Variants in MERTK observed in about 807,000 individuals in gnomAD.
MERTK encodes the protein tyrosine-protein kinase Mer.
A neutral mutation model predicts 99.3 loss-of-function variants in MERTK; 69 were observed. The ratio of observed to expected loss-of-function variants is 0.70; its 90% CI spans 0.57 to 0.85. The LOEUF is 0.85. MERTK is among the 40% of genes least tolerant of loss of function. The pLI is 0.00. For synonymous variants in MERTK, 426 were observed against 467.6 expected, an observed-to-expected ratio of 0.91 and a Z score of 1.15; for missense variants, 1,125 against 1,249.4, an observed-to-expected ratio of 0.90 and a Z score of 1.50.
chr2:111,932,722 G>A (rs1203281438), intron 2 of MERTK, among the ~76,000 whole-genome samples: 1 of 152,176 alleles, frequency 6.6e-6, no homozygotes, highest in Non-Finnish European at 1.5e-5. Flanking sequence ...CAATTTTGGT[G>A]AGGAGCATTA....
At chr2:112,025,047 C>CGAGGTCA (rs1458346987) in intron 18 of MERTK, among the ~76,000 whole-genome samples, 1 of 152,176 alleles carries the variant, frequency 6.6e-6, no homozygotes, top group Non-Finnish European at 1.5e-5. Flanking sequence ...TGAAGGAGGT[C>CGAGGTCA]GAGGTCACGG....
chr2:111,942,075 A>G (rs1018870866), intron 2 of MERTK, among the ~76,000 whole-genome samples: 1 of 150,922 alleles, frequency 6.6e-6, no homozygotes, highest in Admixed American at 6.6e-5. Flanking sequence ...GCTGTGCCCC[A>G]CCTCCCTCCC....
intron 7 of MERTK, among the ~76,000 whole-genome samples, chr2:111,979,242 A>G (rs1294474363): frequency 6.6e-6 from 1 of 152,182 alleles, no homozygotes; most frequent in Non-Finnish European, 1.5e-5. Flanking sequence ...GCATATCCTT[A>G]TGTAATACTG....
rs748803525 is a variant in MERTK, at chr2:112,003,224, TAAG to T, written c.1786+41_1786+43del. The stretch of plus-strand genomic sequence containing the variant: ...AAAGTAATTCTTTTAAAATGTGGGA[TAAG>T]AAGGTAGCAGTTTAGAATAATTCTT... On this transcript the variant is annotated intron_variant, in intron 12 of 18. Coordinates refer to ENST00000295408, the MANE Select transcript of MERTK (RefSeq NM_006343.3). The T allele has an allele frequency of 2.3e-5, 22 of 959,926 alleles. No homozygotes were observed. In the African/African-American group the frequency reaches 3.0e-4, roughly 13 times the overall value. The allele number at this position is 959,926 out of a possible 1,614,324, so 59.5% of individuals were successfully genotyped here. A position where few individuals can be genotyped will look rare whatever the true frequency, so the allele number is the denominator to read the frequency against.
At chr2:111,923,177 A>T (rs1684497473) in intron 1 of MERTK, among the ~76,000 whole-genome samples, 1 of 152,176 alleles carries the variant, frequency 6.6e-6, no homozygotes, top group Non-Finnish European at 1.5e-5. Context: ...GGTTCAGATG[A>T]TGCCACCTCC....
intron 6 of MERTK, 58 bp downstream of exon 6, chr2:111,968,310 A>AT: frequency 7.1e-7 from 1 of 1,413,050 alleles, no homozygotes; most frequent in Non-Finnish European, 1.0e-6. Flanking sequence ...GGGTTTAAGG[A>AT]TTTTTCTTCC....
At chr2:112,024,563 G>A (rs992967567) in intron 18 of MERTK, among the ~76,000 whole-genome samples, 5 of 152,138 alleles carry the variant, frequency 3.3e-5, no homozygotes, top group Admixed American at 2.0e-4. Flanking sequence ...ATCTCCTCTC[G>A]AATCTAGATG....
intron 1 of MERTK, among the ~76,000 whole-genome samples, chr2:111,926,633 A>G (rs577151340): frequency 1.3e-5 from 2 of 152,322 alleles, no homozygotes; most frequent in South Asian, 4.1e-4. Context: ...AGGCTGAGGC[A>G]GGAAAATCAC....
intron 2 of MERTK, 62 bp downstream of exon 2, chr2:111,929,602 A>ATTTATTTAC: frequency 1.2e-5 from 15 of 1,268,062 alleles, no homozygotes; most frequent in Admixed American, 2.8e-5. Flanking sequence ...TTATTTACTT[A>ATTTATTTAC]TTGAGACAGA....
At chr2:111,967,823 A>G (rs754783105) in intron 5 of MERTK, among the ~76,000 whole-genome samples, 2 of 152,184 alleles carry the variant, frequency 1.3e-5, no homozygotes, top group Non-Finnish European at 2.9e-5. Context: ...AGTAGGGTCC[A>G]TGAACATGTA....
intron 6 of MERTK, among the ~76,000 whole-genome samples, chr2:111,974,945 G>A (rs547758857): frequency 6.6e-6 from 1 of 152,242 alleles, no homozygotes; most frequent in East Asian, 1.9e-4. Flanking sequence ...ACTCCATGAA[G>A]CAGCTGAAAG....
At chr2:111,921,912 A>G (rs1684466759) in intron 1 of MERTK, among the ~76,000 whole-genome samples, 2 of 152,178 alleles carry the variant, frequency 1.3e-5, no homozygotes, top group Admixed American at 6.5e-5. Context: ...TGAACTTTAG[A>G]GAGCTCAGCT....
intron 15 of MERTK, among the ~76,000 whole-genome samples, chr2:112,011,259 G>A (rs916228870): frequency 5.3e-5 from 8 of 152,124 alleles, no homozygotes; most frequent in Admixed American, 1.3e-4. Context: ...AGTTCTTAGG[G>A]ACCATGAAAA....
At chr2:111,899,130 A>G (rs1443056305) in intron 1 of MERTK, among the ~76,000 whole-genome samples, 2 of 152,170 alleles carry the variant, frequency 1.3e-5, no homozygotes, top group African/African-American at 2.4e-5. Flanking sequence ...AGTTCCGACG[A>G]GTGGAACGTA....
intron 4 of MERTK, 116 bp downstream of exon 4, chr2:111,947,683 G>A: frequency 7.9e-7 from 1 of 1,259,232 alleles, no homozygotes; most frequent in Non-Finnish European, 1.1e-6. Flanking sequence ...AAATACAGGT[G>A]TGGCAGCAAA....
intron 13 of MERTK, among the ~76,000 whole-genome samples, chr2:112,005,601 G>A (rs1676964435): frequency 6.6e-6 from 1 of 152,128 alleles, no homozygotes. Flanking sequence ...GGCTGGGCAT[G>A]GCCTATCACT....
chr2:111,957,977 G>A (rs1685180906), intron 4 of MERTK, among the ~76,000 whole-genome samples: 1 of 152,188 alleles, frequency 6.6e-6, no homozygotes, highest in Non-Finnish European at 1.5e-5. Context: ...GGAACATCCT[G>A]TTACTGAATG....
In MERTK at chr2:112,003,196, T is replaced by G. The variant is rs777849732; in HGVS notation, c.1786+9T>G. On this transcript the variant is annotated intron_variant, in intron 12 of 18. Transcript: ENST00000295408. ...AAAAATTCTGGGTGAAGGTAAGCAATTTAAAGTAATTCTTTTAAAATGTGG... is the reference window on the plus strand; with the variant it reads ...AAAAATTCTGGGTGAAGGTAAGCAAGTTAAAGTAATTCTTTTAAAATGTGG... The G allele has an allele frequency of 7.7e-7, 1 of 1,291,522 alleles. No homozygotes were observed. Among genetic ancestry groups the G allele is most frequent in the East Asian group, 2.3e-5 (1 of 43,182 alleles). The allele number at this position is 1,291,522 out of a possible 1,614,324, so 80.0% of individuals were successfully genotyped here.
intron 15 of MERTK, among the ~76,000 whole-genome samples, chr2:112,011,347 C>T (rs996453378): frequency 1.3e-5 from 2 of 152,220 alleles, no homozygotes; most frequent in African/African-American, 4.8e-5. Flanking sequence ...GTTCTGCACA[C>T]TCCCCTGTAT....
Sources: allele counts gnomAD v4.1 joint callset (sites outside exome capture counted in the v4.1 genomes callset), GRCh38; gene constraint gnomAD v4.1.1; transcripts MANE v1.5; gene names NCBI Gene and HGNC (gene_info 2026-07-23, HGNC 2026-07-21).